ANKEF1: variants seen among roughly 807,000 people sequenced by gnomAD.
The protein encoded by ANKEF1 is ankyrin repeat and EF-hand domain containing 1.
Under a neutral mutation model 65.1 loss-of-function variants are expected in ANKEF1, and 43 were observed. That is an observed-to-expected ratio of 0.66 (90% CI 0.52 to 0.85). The LOEUF (loss-of-function observed/expected upper bound fraction) is 0.85. Ranked by LOEUF, ANKEF1 falls within the 40% of genes least tolerant of loss-of-function variation. The pLI is 0.00. For missense variants in ANKEF1, 934 were observed against 952.9 expected (o/e 0.98, Z 0.26); for synonymous variants, 316 against 341.5 (o/e 0.93, Z 0.82).
intron 10 of ANKEF1, among the ~76,000 whole-genome samples, chr20:10,054,841 T>C (rs565175879): frequency 5.3e-5 from 8 of 152,330 alleles, no homozygotes; most frequent in Admixed American, 5.2e-4. Flanking sequence ...CCTAGAAAGG[T>C]TGAAGTCTTT....
rs571383365 is a variant in ANKEF1 at position 10,045,578 on chromosome 20, T to C, written c.701T>C (p.Leu234Ser). 80 of 1,613,452 alleles carry C rather than the reference T, an allele frequency of 5.0e-5. No individual in the cohort carries two copies. The South Asian group carries it at 8.5e-4, about 17-fold the overall frequency. Residue 234 changes from leucine to serine, a missense_variant, in exon 6 of 11, where the codon TTG (leucine) becomes TCG (serine). By Grantham distance (145) the Leu-to-Ser change is moderately radical. Transcript: ENST00000378392. ...FAAKGGFFDI[L>S]KLLFAYNGDV... ...TATCCACTATTTATTTTACAGATATTGAAGCTTCTTTTTGCCTACAATGGA... is the reference window on the plus strand; with the variant it reads ...TATCCACTATTTATTTTACAGATATCGAAGCTTCTTTTTGCCTACAATGGA...
At chr20:10,037,107 G>A (rs1373409087) in intron 2 of ANKEF1, among the ~76,000 whole-genome samples, 2 of 152,162 alleles carry the variant, frequency 1.3e-5, no homozygotes, top group Admixed American at 1.3e-4. Flanking sequence ...GAGAAAAATG[G>A]TGCATAGTTT....
chr20:10,039,624 T>C (rs911934045), intron 3 of ANKEF1, among the ~76,000 whole-genome samples: 35 of 152,204 alleles, frequency 2.3e-4, no homozygotes, highest in African/African-American at 8.4e-4. Flanking sequence ...CAGATGTACT[T>C]TGAAATGCTA....
In ANKEF1 at chr20:10,049,943, C is replaced by T; in HGVS notation, c.1374C>T (p.Thr458=). The change falls in exon 7 of 11, where the codon ACC becomes ACT. Residue 458 remains threonine (T), a synonymous_variant. Coordinates refer to ENST00000378392, the MANE Select transcript of ANKEF1 (RefSeq NM_022096.6). ...DGGPPYYMIE[T]YKNVTDSSRF... is the part of the protein sequence containing the mutation. ...GGCCACCGTATTACATGATTGAGAC[C>T]TACAAGAATGTCACTGATAGCAGCC... 6.2e-7 allele frequency: 1 copy of T among 1,614,190 alleles called. No individual in the cohort carries two copies. Among genetic ancestry groups the T allele is most frequent in the Non-Finnish European group, 8.5e-7 (1 of 1,180,024 alleles).
chr20:10,049,104 A>G (rs1213524276), intron 6 of ANKEF1, among the ~76,000 whole-genome samples: 1 of 152,168 alleles, frequency 6.6e-6, no homozygotes, highest in Non-Finnish European at 1.5e-5. Flanking sequence ...CAAGTGTACC[A>G]ATATGGTGTG....
In ANKEF1 at chr20:10,043,907, C is replaced by T. The variant is rs143450274; in HGVS notation, c.547-487C>T. Among the ~76,000 whole-genome samples the T allele has an allele frequency of 5.3e-5, 8 of 152,070 alleles. 1 individual carries two copies. The highest frequency in any genetic ancestry group is 1.7e-4 in the African/African-American group (7 of 41,480). ...CGAATTCTTGGCCTCAAGTGATCTG[C>T]CCACCTCTGCCTTCCAAAGCGCTGG... On this transcript the variant is annotated intron_variant, in intron 4 of 10. Transcript: ENST00000378392.
chr20:10,046,312 A>G (rs998670775), intron 6 of ANKEF1, among the ~76,000 whole-genome samples: 1 of 152,190 alleles, frequency 6.6e-6, no homozygotes, highest in Admixed American at 6.5e-5. Flanking sequence ...CATCAATCTA[A>G]AAAAGGACAC....
chr20:10,052,919 C>G (rs536572469), intron 8 of ANKEF1, among the ~76,000 whole-genome samples, 193 bp from the exon 9 acceptor site: 1 of 152,016 alleles, frequency 6.6e-6, no homozygotes, highest in East Asian at 1.9e-4. Context: ...CACTATAAAT[C>G]ATGGGATCTT....
In ANKEF1 at chr20:10,043,204, C is replaced by A. The variant is rs1205728792; in HGVS notation, c.429C>A (p.Asn143Lys). ...LIALEHGADV[N>K]NSTYEGKPIF... ...CCCTTGAACATGGTGCAGATGTCAA[C>A]AATTCTACCTATGAAGGAAAGCCAA... The change falls in exon 4 of 11, where the codon AAC (asparagine) becomes AAA (lysine). Residue 143 changes from asparagine (N) to lysine (K), a missense_variant. By Grantham distance (94) the Asn-to-Lys change is moderately conservative. Transcript: ENST00000378392. 6.2e-7 allele frequency: 1 copy of A among 1,614,138 alleles called. No homozygotes were observed. Among genetic ancestry groups the A allele is most frequent in the Admixed American group, 1.7e-5 (1 of 60,020 alleles).
chr20:10,050,805 G>A (rs999597221), intron 7 of ANKEF1, among the ~76,000 whole-genome samples: 6 of 152,148 alleles, frequency 3.9e-5, no homozygotes, highest in African/African-American at 1.4e-4. Flanking sequence ...GCCTCTATTT[G>A]AGGATCTCAA....
At chr20:10,054,345 G>C (rs976581650) in intron 9 of ANKEF1, 117 bp from the exon 10 acceptor site, 25 of 759,734 alleles carry the variant, frequency 3.3e-5, no homozygotes, top group Non-Finnish European at 4.8e-5. Flanking sequence ...ATTATAACTT[G>C]TACAGTAGCA....
Position 10,053,189 on chromosome 20 carries a change from T to C in ANKEF1, c.1948T>C (p.Leu650=). The part of the protein sequence containing the change: ...IDLIKEKLDN[L]PKPAENQKLK... ...TCTGATTAAAGAAAAGCTAGATAAC[T>C]TGCCGAAACCAGCAGAAAATCAAAA... is the stretch of plus-strand genomic sequence containing the variant. The change falls in exon 9 of 11, where the codon TTG becomes CTG. Residue 650 remains leucine (L), a synonymous_variant. Coordinates refer to ENST00000378392, the MANE Select transcript of ANKEF1 (RefSeq NM_022096.6). The C allele has an allele frequency of 4.3e-6, 7 of 1,613,650 alleles. No individual in the cohort carries two copies. The highest frequency in any genetic ancestry group is 5.1e-6 in the Non-Finnish European group (6 of 1,179,742).
In ANKEF1 at chr20:10,038,340, C is replaced by G. The variant is rs757871692; in HGVS notation, c.39C>G (p.Ile13Met). ...LADKRLENLQIYKVLQCVRNK... is the reference protein window; with the variant it reads ...LADKRLENLQMYKVLQCVRNK... The stretch of plus-strand genomic sequence containing the variant: ...ATAAGAGACTTGAGAACTTACAGAT[C>G]TACAAAGTTCTTCAATGTGTGCGGA... The change falls in exon 3 of 11, where the codon ATC becomes ATG. Residue 13 changes from isoleucine to methionine, a missense_variant. Ile to Met is a conservative substitution (Grantham distance 10, BLOSUM62 1). Transcript: ENST00000378392. The G allele has an allele frequency of 1.3e-6, 2 of 1,593,880 alleles. No individual in the cohort carries two copies. The highest frequency in any genetic ancestry group is 1.7e-6 in the Non-Finnish European group (2 of 1,166,530).
chr20:10,052,565 TTGAC>T (rs1487928213), intron 8 of ANKEF1, among the ~76,000 whole-genome samples: 1 of 152,198 alleles, frequency 6.6e-6, no homozygotes, highest in Non-Finnish European at 1.5e-5. Context: ...ATTGCTTCCT[TTGAC>T]TGAGGAGCAT....
intron 6 of ANKEF1, among the ~76,000 whole-genome samples, chr20:10,047,579 G>A (rs1211586341): frequency 2.0e-5 from 3 of 152,034 alleles, no homozygotes; most frequent in Admixed American, 2.0e-4. Flanking sequence ...TCGCCCCCTC[G>A]TCCCCCTGCT....
Position 10,051,650 on chromosome 20 carries a change from T to C in ANKEF1, c.1644-13T>C. 1 of 1,595,532 alleles carries C rather than the reference T, an allele frequency of 6.3e-7. No homozygotes were observed. The highest frequency in any genetic ancestry group is 8.6e-7 in the Non-Finnish European group (1 of 1,165,700). ...ACCGTATTTTTAGTTTGTTCATCTATCTTATTTTACAGAGCTAACGTTAAT... is the reference window on the plus strand; with the variant it reads ...ACCGTATTTTTAGTTTGTTCATCTACCTTATTTTACAGAGCTAACGTTAAT... On this transcript the variant is annotated splice_polypyrimidine_tract_variant and intron_variant, in intron 7 of 10. Coordinates refer to ENST00000378392, the MANE Select transcript of ANKEF1 (RefSeq NM_022096.6).
At chr20:10,053,579 T>C (rs1984988898) in intron 9 of ANKEF1, among the ~76,000 whole-genome samples, 1 of 152,120 alleles carries the variant, frequency 6.6e-6, no homozygotes, top group Non-Finnish European at 1.5e-5. Flanking sequence ...ATATATTTGG[T>C]CCTGAATTAT....
chr20:10,037,694 C>T (rs1568508469), intron 2 of ANKEF1, among the ~76,000 whole-genome samples: 1 of 152,046 alleles, frequency 6.6e-6, no homozygotes, highest in Admixed American at 6.5e-5. Context: ...CTAGAATGCC[C>T]ATCACAATTT....
chr20:10,038,381 A>G lies in ANKEF1; in HGVS notation c.80A>G (p.Gln27Arg), dbSNP rs766967563. ...LQCVRNKDKK[Q>R]IEKLTKLGYP... The stretch of plus-strand genomic sequence containing the variant: ...TGTGTGCGGAACAAAGACAAGAAGC[A>G]GATAGAGAAGCTGACCAAGCTTGGA... Residue 27 changes from glutamine (Q) to arginine (R), a missense_variant, in exon 3 of 11, where the codon CAG becomes CGG. Physicochemically the swap from Gln to Arg is conservative, Grantham distance 43. Transcript: ENST00000378392. The G allele has an allele frequency of 6.2e-6, 10 of 1,613,662 alleles. No homozygotes were observed. In the East Asian group the frequency reaches 2.2e-4, roughly 36 times the overall value.
Sources: allele counts gnomAD v4.1 joint callset (sites outside exome capture counted in the v4.1 genomes callset), GRCh38; gene constraint gnomAD v4.1.1; transcripts MANE v1.5; gene names NCBI Gene and HGNC (gene_info 2026-07-23, HGNC 2026-07-21).